DOCK8: variants seen among roughly 807,000 people sequenced by gnomAD.
DOCK8 encodes the protein dedicator of cytokinesis protein 8.
A neutral mutation model predicts 245.6 loss-of-function variants in DOCK8; 141 were observed. The ratio of observed to expected loss-of-function variants is 0.57; its 90% CI spans 0.50 to 0.66. The LOEUF is 0.66. Among genes scored for constraint, DOCK8 ranks in the 30% least tolerant of loss-of-function variants. DOCK8 has a pLI of 0.00. For synonymous variants in DOCK8, 1,168 were observed against 970.2 expected (o/e 1.20, Z -3.79); for missense variants, 2,965 against 2,603.4 (o/e 1.14, Z -3.02).
At chr9:254,572 G>T (rs1186243088) in intron 1 of DOCK8, among the ~76,000 whole-genome samples, 6 of 151,992 alleles carry the variant, frequency 3.9e-5, no homozygotes, top group African/African-American at 1.4e-4. Flanking sequence ...TTACATAGTA[G>T]TAAGAAGGAA....
intron 14 of DOCK8, among the ~76,000 whole-genome samples, chr9:357,952 C>T (rs1482533793): frequency 6.6e-6 from 1 of 152,202 alleles, no homozygotes; most frequent in Non-Finnish European, 1.5e-5. Context: ...TTTATCTAAC[C>T]TAAAACATTG....
At chr9:320,165 C>G (rs1269593358) in intron 7 of DOCK8, among the ~76,000 whole-genome samples, 2 of 142,476 alleles carry the variant, frequency 1.4e-5, no homozygotes, top group Non-Finnish European at 3.1e-5. Context: ...CGAACACTCA[C>G]GGAAAAAGCC....
Position 379,859 on chromosome 9 carries a change from G to A in DOCK8, c.2529G>A (p.Gly843=), listed in dbSNP as rs1201495235. 1 of 1,614,120 alleles carries A rather than the reference G, an allele frequency of 6.2e-7. No individual in the cohort carries two copies. The highest frequency in any genetic ancestry group is 8.5e-7 in the Non-Finnish European group (1 of 1,180,046). ...AGGACCTGAGCAAGGACCAGCATGG[G>A]AGGAACTGCCTGCTGGCTTCCTACG... ...NSKDLSKDQH[G]RNCLLASYVH... is the part of the protein sequence containing the mutation. Residue 843 remains glycine (G), a synonymous_variant, in exon 21 of 48, where the codon GGG becomes GGA. Coordinates refer to ENST00000432829, the MANE Select transcript of DOCK8 (RefSeq NM_203447.4).
rs1055923938 is a variant in DOCK8, at chr9:368,478, G to A, written c.1797+343G>A. 4 of 597,690 alleles carry A rather than the reference G, an allele frequency of 6.7e-6. No individual in the cohort carries two copies. In the Admixed American group the frequency reaches 8.7e-5, roughly 13 times the overall value. 37.0% of individuals were successfully genotyped at this position (597,690 alleles called of 1,614,324 possible). A position where few individuals can be genotyped will look rare whatever the true frequency, so the allele number is the denominator to read the frequency against. On this transcript the variant is annotated intron_variant, in intron 15 of 47. Transcript: ENST00000432829. ...TCAACACGTGCGCCATGTTTGCTGA[G>A]TGTCTTCCATGCACAAACTGTACAC...
intron 1 of DOCK8, among the ~76,000 whole-genome samples, chr9:233,643 A>C (rs964210812): frequency 1.3e-5 from 2 of 152,096 alleles, no homozygotes; most frequent in African/African-American, 4.8e-5. Context: ...TCCCTTTACC[A>C]TTATGTAATG....
intron 15 of DOCK8, chr9:368,473 G>T: frequency 1.7e-6 from 1 of 599,614 alleles, no homozygotes. Flanking sequence ...CGCCATGTTT[G>T]CTGAGTGTCT....
chr9:215,420 A>C, intron 1 of DOCK8: 5 of 1,518,792 alleles, frequency 3.3e-6, no homozygotes, highest in Non-Finnish European at 4.4e-6. Flanking sequence ...CTTTGAGGCA[A>C]GTCTGAGCGC....
chr9:403,918 ATATATATATATGTGTATATATATATGTG>A (rs1204309085), intron 26 of DOCK8, among the ~76,000 whole-genome samples: 1 of 75,246 alleles, frequency 1.3e-5, no homozygotes, highest in African/African-American at 8.4e-5. Context: ...ATATATATAC[ATATATATATATGTGTATATATATATGTG>A]TATATATATA....
chr9:245,260 A>G (rs2131432522), intron 1 of DOCK8, among the ~76,000 whole-genome samples: 2 of 152,222 alleles, frequency 1.3e-5, no homozygotes, highest in Middle Eastern at 3.4e-3. Flanking sequence ...GCTGGAGTGC[A>G]GTGGCACAAT....
intron 40 of DOCK8, 67 bp from the exon 41 acceptor site, chr9:441,219 C>G: frequency 6.2e-7 from 1 of 1,600,404 alleles, no homozygotes; most frequent in Non-Finnish European, 8.6e-7. Context: ...GGACAATGAC[C>G]TCTGGTTGCT....
chr9:344,869 C>G (rs374176250), intron 14 of DOCK8, among the ~76,000 whole-genome samples: 1 of 151,970 alleles, frequency 6.6e-6, no homozygotes, highest in African/African-American at 2.4e-5. Context: ...CTGGCCAACA[C>G]GGTGACCCCT....
chr9:293,768 T>C (rs2049142725), intron 4 of DOCK8, among the ~76,000 whole-genome samples: 1 of 152,266 alleles, frequency 6.6e-6, no homozygotes, highest in Admixed American at 6.5e-5. Context: ...AGTGGTTTAC[T>C]AGAAAGTCGG....
chr9:432,049 A>T lies in DOCK8; in HGVS notation c.4627-117A>T, dbSNP rs2056732348. 2.9e-6 allele frequency: 3 copies of T among 1,031,926 alleles called. No homozygotes were observed. The Admixed American group carries it at 6.3e-5, about 22-fold the overall frequency. 63.9% of individuals were successfully genotyped at this position (1,031,926 alleles called of 1,614,324 possible). A position where few individuals can be genotyped will look rare whatever the true frequency, so the allele number is the denominator to read the frequency against. On this transcript the variant is annotated intron_variant, in intron 36 of 47. Coordinates refer to ENST00000432829, the MANE Select transcript of DOCK8 (RefSeq NM_203447.4). The stretch of plus-strand genomic sequence containing the variant: ...TTCATTGAGAGAAGAGGAAATAATT[A>T]AGACGGGGCAAAGGAAACACTGAGG...
chr9:367,713 T>C (rs2053075616), intron 14 of DOCK8, among the ~76,000 whole-genome samples: 1 of 152,246 alleles, frequency 6.6e-6, no homozygotes, highest in African/African-American at 2.4e-5. Flanking sequence ...CTTCTTTATC[T>C]GTGTATCAGA....
chr9:382,514 C>T lies in DOCK8; in HGVS notation c.2607C>T (p.Gly869=), dbSNP rs760967651. 2.8e-5 allele frequency: 45 copies of T among 1,613,452 alleles called. No homozygotes were observed. Among genetic ancestry groups the T allele is most frequent in the Middle Eastern group, 1.7e-4 (1 of 5,788 alleles). The change falls in exon 22 of 48, where the codon GGC becomes GGT. Residue 869 remains glycine (G), a splice_region_variant and synonymous_variant. Transcript: ENST00000432829. ...PEVQRDVPKS[G]APTALLDPRS... Reference sequence around the variant, plus strand: ...ATGTCTCTGCCTGGTGGGGTGCAGGCGCTCCCACTGCCCTCCTAGACCCTC... The same window carrying T: ...ATGTCTCTGCCTGGTGGGGTGCAGGTGCTCCCACTGCCCTCCTAGACCCTC...
intron 7 of DOCK8, among the ~76,000 whole-genome samples, chr9:324,006 A>T (rs1302246134): frequency 2.0e-5 from 3 of 152,354 alleles, no homozygotes; most frequent in East Asian, 3.9e-4. Context: ...ACACATCATT[A>T]TACGTGATCC....
chr9:395,223 A>G (rs2054391900), intron 24 of DOCK8, among the ~76,000 whole-genome samples: 1 of 152,022 alleles, frequency 6.6e-6, no homozygotes, highest in Non-Finnish European at 1.5e-5. Context: ...ATGAGGAGAA[A>G]CCATGGTTTC....
intron 30 of DOCK8, 31 bp from the exon 31 acceptor site, chr9:420,370 G>C: frequency 3.7e-6 from 6 of 1,613,404 alleles, no homozygotes; most frequent in Non-Finnish European, 5.1e-6. Context: ...CTTCTTCCCT[G>C]GCCTCCATCC....
rs914211235 is a variant in DOCK8 at position 262,510 on chromosome 9, A to G, written c.54-9117A>G. On this transcript the variant is annotated intron_variant, in intron 1 of 47. Transcript: ENST00000432829. ...CCTCTATAATAAAAGGGAGTAAACTACTAATACACAGTGCAATATAGATGG... is the reference window on the plus strand; with the variant it reads ...CCTCTATAATAAAAGGGAGTAAACTGCTAATACACAGTGCAATATAGATGG... Among the ~76,000 whole-genome samples the G allele has an allele frequency of 2.8e-5, 3 of 107,674 alleles. No individual in the cohort carries two copies. The East Asian group carries it at 1.6e-3, about 56-fold the overall frequency. 70.6% of individuals were successfully genotyped at this position (107,674 alleles called of 152,430 possible). A position where few individuals can be genotyped will look rare whatever the true frequency, so the allele number is the denominator to read the frequency against.
Sources: gnomAD v4.1 joint callset for allele counts (sites outside exome capture counted in the v4.1 genomes callset) on GRCh38, gnomAD v4.1.1 for gene constraint, MANE v1.5 for transcripts, NCBI Gene and HGNC (gene_info 2026-07-23, HGNC 2026-07-21) for gene names.